Variants in COLEC11 observed in about 807,000 individuals in gnomAD.
The protein encoded by COLEC11 is collectin subfamily member 11.
In COLEC11, 20 loss-of-function variants were observed where a neutral mutation model predicts 27.3. The observed-to-expected ratio is 0.73, with a 90% CI of 0.51 to 1.06. The LOEUF (loss-of-function observed/expected upper bound fraction) is 1.06. Among genes scored for constraint, COLEC11 ranks in the 50% least tolerant of loss-of-function variants. The pLI, the probability that COLEC11 is intolerant of heterozygous loss-of-function variation, is 0.00. For missense variants in COLEC11, 310 were observed against 383.0 expected (o/e 0.81, Z 1.59); for synonymous variants, 163 against 154.7 (o/e 1.05, Z -0.40).
At chr2:3,611,032 C>G (rs1193042582) in intron 2 of COLEC11, among the ~76,000 whole-genome samples, 1 of 152,198 alleles carries the variant, frequency 6.6e-6, no homozygotes, top group Non-Finnish European at 1.5e-5. Context: ...TGGTTCTCCG[C>G]AGGCCCTTTC....
chr2:3,613,989 T>G (rs1038671906), intron 3 of COLEC11, among the ~76,000 whole-genome samples: 2 of 150,820 alleles, frequency 1.3e-5, no homozygotes, highest in African/African-American at 4.9e-5. Context: ...TCTTTTTTTT[T>G]TTTTTGAGAC....
intron 5 of COLEC11, 98 bp from the exon 6 acceptor site, chr2:3,643,346 G>C: frequency 9.8e-7 from 1 of 1,022,232 alleles, no homozygotes; most frequent in South Asian, 1.3e-5. Flanking sequence ...GGGCACGTTT[G>C]TTGAGTAAAA....
chr2:3,606,086 T>A, intron 2 of COLEC11: 1 of 1,550,320 alleles, frequency 6.5e-7, no homozygotes, highest in Non-Finnish European at 8.7e-7. Context: ...TGGCCCTGAC[T>A]TTGTGGTAGC....
At chr2:3,603,800 G>A (rs1285823535) in intron 1 of COLEC11, 2 of 805,468 alleles carry the variant, frequency 2.5e-6, no homozygotes, top group South Asian at 1.6e-5. Flanking sequence ...ACCGAGGAAG[G>A]CCAGGTGCCT....
At chr2:3,611,232 C>T (rs1354011889) in intron 2 of COLEC11, among the ~76,000 whole-genome samples, 1 of 152,268 alleles carries the variant, frequency 6.6e-6, no homozygotes, top group Non-Finnish European at 1.5e-5. Context: ...CTTATTAGTG[C>T]TGCCCTGTGA....
At chr2:3,630,812 C>T (rs747868540) in intron 3 of COLEC11, among the ~76,000 whole-genome samples, 126 of 152,260 alleles carry the variant, frequency 8.3e-4, no homozygotes, top group African/African-American at 2.6e-3. Flanking sequence ...CTTGAGCATC[C>T]GAAAAGCCTG....
At chr2:3,608,867 A>G (rs1041897964) in intron 2 of COLEC11, among the ~76,000 whole-genome samples, 3 of 152,330 alleles carry the variant, frequency 2.0e-5, no homozygotes, top group Admixed American at 1.3e-4. Context: ...GTCCTGAACC[A>G]GGGATTAAAA....
intron 3 of COLEC11, among the ~76,000 whole-genome samples, chr2:3,625,462 G>T (rs905727023): frequency 2.6e-5 from 4 of 152,010 alleles, no homozygotes; most frequent in African/African-American, 9.7e-5. Context: ...GTAATTCAGG[G>T]TTTCTGAAAT....
At chr2:3,616,114 C>T (rs1405855101) in intron 3 of COLEC11, among the ~76,000 whole-genome samples, 1 of 149,380 alleles carries the variant, frequency 6.7e-6, no homozygotes, top group East Asian at 2.0e-4. Context: ...TCCTCAGATA[C>T]CACACGGGGT....
chr2:3,634,951 C>A (rs1665276127), intron 3 of COLEC11, among the ~76,000 whole-genome samples: 1 of 152,090 alleles, frequency 6.6e-6, no homozygotes, highest in African/African-American at 2.4e-5. Flanking sequence ...CTTGCTGTGC[C>A]CCTGCCTGCC....
chr2:3,629,571 C>T (rs1664816941), intron 3 of COLEC11, among the ~76,000 whole-genome samples: 2 of 152,172 alleles, frequency 1.3e-5, no homozygotes, highest in Admixed American at 6.5e-5. Flanking sequence ...TATGTGCATG[C>T]ATGTGTGCAT....
chr2:3,606,111 G>A (rs539474195), intron 2 of COLEC11: 3 of 1,550,618 alleles, frequency 1.9e-6, no homozygotes, highest in East Asian at 2.4e-5. Flanking sequence ...GTGGGTTTGT[G>A]AGTGGAACCT....
intron 3 of COLEC11, among the ~76,000 whole-genome samples, chr2:3,624,444 A>G (rs752567295): frequency 6.6e-6 from 1 of 152,132 alleles, no homozygotes; most frequent in Non-Finnish European, 1.5e-5. Context: ...CTTCTCCTCC[A>G]TGTCAGTCAC....
intron 3 of COLEC11, among the ~76,000 whole-genome samples, chr2:3,618,005 T>G (rs1016105740): frequency 3.9e-5 from 6 of 152,272 alleles, no homozygotes; most frequent in African/African-American, 1.4e-4. Flanking sequence ...GAAAAATATC[T>G]ATTCAGATTC....
chr2:3,617,739 C>T (rs1314920738), intron 3 of COLEC11: 9 of 1,361,890 alleles, frequency 6.6e-6, no homozygotes, highest in Non-Finnish European at 9.4e-6. Flanking sequence ...CTGGTCTGCG[C>T]AGTGGCCACC....
intron 3 of COLEC11, among the ~76,000 whole-genome samples, chr2:3,620,413 T>A (rs1285907258): frequency 6.6e-6 from 1 of 152,194 alleles, no homozygotes; most frequent in African/African-American, 2.4e-5. Flanking sequence ...TCCATTGCAT[T>A]TCTGATTTTA....
chr2:3,608,030 G>GT lies in COLEC11; in HGVS notation c.130+3561dup, dbSNP rs143997752. On this transcript the variant is annotated intron_variant, in intron 2 of 6. Coordinates refer to ENST00000349077, the MANE Select transcript of COLEC11 (RefSeq NM_024027.5). Reference sequence around the variant, plus strand: ...TTTGTTCAGCTTGTAAGCAGGTGGCGTGACAGTCAAGCACTGTCCACGGAT... The same window carrying GT: ...TTTGTTCAGCTTGTAAGCAGGTGGCGTTGACAGTCAAGCACTGTCCACGGAT... 2.6e-3 allele frequency among the ~76,000 whole-genome samples: 400 copies of GT among 152,320 alleles called. 1 individual carries two copies. The highest frequency in any genetic ancestry group is 9.2e-3 in the African/African-American group (384 of 41,578).
chr2:3,618,840 T>C (rs1219098515), intron 3 of COLEC11, among the ~76,000 whole-genome samples: 3 of 152,226 alleles, frequency 2.0e-5, no homozygotes, highest in African/African-American at 7.2e-5. Flanking sequence ...TATTTGTGTC[T>C]TCAATGTTTC....
intron 2 of COLEC11, among the ~76,000 whole-genome samples, chr2:3,611,738 G>T (rs1426991594): frequency 6.6e-6 from 1 of 152,086 alleles, no homozygotes; most frequent in Admixed American, 6.5e-5. Context: ...TGCCACCATC[G>T]CTGTGCTTTT....
Sources: gnomAD v4.1 joint callset for allele counts (sites outside exome capture counted in the v4.1 genomes callset) on GRCh38, gnomAD v4.1.1 for gene constraint, MANE v1.5 for transcripts, NCBI Gene and HGNC (gene_info 2026-07-23, HGNC 2026-07-21) for gene names.